GSTCD: variants seen among roughly 807,000 people sequenced by gnomAD.
GSTCD encodes the protein glutathione S-transferase C-terminal domain-containing protein.
In GSTCD, 44 loss-of-function variants were observed where a neutral mutation model predicts 68.3. That is an observed-to-expected ratio of 0.64 (90% CI 0.51 to 0.83). The LOEUF is 0.83. Ranked by LOEUF, GSTCD falls within the 40% of genes least tolerant of loss-of-function variation. The pLI is 0.00. For missense variants in GSTCD, 739 were observed against 735.9 expected, an observed-to-expected ratio of 1.00 and a Z score of -0.05; for synonymous variants, 273 against 255.2, an observed-to-expected ratio of 1.07 and a Z score of -0.67.
chr4:105,732,577 C>T (rs1733288557), intron 5 of GSTCD, among the ~76,000 whole-genome samples: 2 of 151,968 alleles, frequency 1.3e-5, no homozygotes, highest in South Asian at 2.1e-4. Context: ...TGATTCTTCT[C>T]TCTTGTCTTC....
At chr4:105,734,173 G>A (rs1390837003) in intron 5 of GSTCD, among the ~76,000 whole-genome samples, 1 of 152,108 alleles carries the variant, frequency 6.6e-6, no homozygotes, top group African/African-American at 2.4e-5. Context: ...TCTTGGAGTT[G>A]CTCTTCTCGA....
chr4:105,780,423 A>C (rs1735234117), intron 5 of GSTCD, among the ~76,000 whole-genome samples: 1 of 152,238 alleles, frequency 6.6e-6, no homozygotes, highest in South Asian at 2.1e-4. Context: ...TCTGGCTAGC[A>C]ACCAGATTGA....
At chr4:105,825,611 G>A (rs1488999646) in intron 7 of GSTCD, 61 bp from the exon 8 acceptor site, 10 of 957,354 alleles carry the variant, frequency 1.0e-5, no homozygotes, top group Non-Finnish European at 1.6e-5. Flanking sequence ...TAGTGATAAT[G>A]CTTTGCCTAA....
chr4:105,827,226 G>T (rs1250732675), intron 8 of GSTCD: 2 of 152,138 alleles, frequency 1.3e-5, no homozygotes, highest in Non-Finnish European at 2.9e-5. Context: ...ATGGTAGCAA[G>T]TAAATGTGGA....
At position 105,845,801 on chromosome 4, in the gene GSTCD, A is replaced by T. The variant is rs1724525232; in HGVS notation, c.*224A>T. ...AGGACTGCTGGTTTTTATAGTGAGAATCCCCTGAAGTCTCAGCTGCCAAAA... is the reference window on the plus strand; with the variant it reads ...AGGACTGCTGGTTTTTATAGTGAGATTCCCCTGAAGTCTCAGCTGCCAAAA... On this transcript the variant is annotated 3_prime_UTR_variant, in exon 12 of 12. Transcript: ENST00000515279. 2 of 512,176 alleles carry T rather than the reference A, an allele frequency of 3.9e-6. No homozygotes were observed. The highest frequency in any genetic ancestry group is 7.0e-6 in the Non-Finnish European group (2 of 284,418). 31.7% of individuals were successfully genotyped at this position (512,176 alleles called of 1,614,324 possible). A position where few individuals can be genotyped will look rare whatever the true frequency, so the allele number is the denominator to read the frequency against.
In GSTCD at chr4:105,846,678, T is replaced by C. The variant is rs1724559372; in HGVS notation, c.*1101T>C. ...AAAGAATTAGTTAAGCTTTTTTTTT[T>C]TTTTTTTTTTGAGACAGAGTTTCAC... is the stretch of plus-strand genomic sequence containing the variant. On this transcript the variant is annotated 3_prime_UTR_variant, in exon 12 of 12. Transcript: ENST00000515279. 6.6e-6 allele frequency: 1 copy of C among 151,142 alleles called. No individual in the cohort carries two copies. Among genetic ancestry groups the C allele is most frequent in the Non-Finnish European group, 1.5e-5 (1 of 67,704 alleles). The allele number at this position is 151,142 out of a possible 1,614,324, so 9.4% of individuals were successfully genotyped here.
chr4:105,807,173 T>G (rs868161426), intron 5 of GSTCD: 45 of 152,114 alleles, frequency 3.0e-4, no homozygotes, highest in African/African-American at 8.4e-4. Flanking sequence ...GTTTTTACTA[T>G]TTTGCCTTAC....
rs77172325 is a variant in GSTCD at position 105,809,298 on chromosome 4, G to A, written c.1241-13656G>A. 8.3e-3 allele frequency among the ~76,000 whole-genome samples: 1,262 copies of A among 152,052 alleles called. 10 individuals carry two copies. The highest frequency in any genetic ancestry group is 0.027 in the Middle Eastern group (8 of 294). On this transcript the variant is annotated intron_variant, in intron 5 of 11. Transcript: ENST00000515279. ...AAATGTGGTCTGATTGATGGCAGTC[G>A]GGTTCAATACTATCTGAGGTTTCAG...
At chr4:105,776,048 A>T (rs1043508504) in intron 5 of GSTCD, among the ~76,000 whole-genome samples, 2 of 152,200 alleles carry the variant, frequency 1.3e-5, no homozygotes, top group Non-Finnish European at 1.5e-5. Flanking sequence ...CTGTCCAGAG[A>T]GGAGGAATCT....
At chr4:105,785,400 A>G (rs375059094) in intron 5 of GSTCD, among the ~76,000 whole-genome samples, 12 of 152,154 alleles carry the variant, frequency 7.9e-5, no homozygotes, top group Non-Finnish European at 1.5e-4. Flanking sequence ...CTAGAAAGGC[A>G]AGGTTGATAT....
intron 5 of GSTCD, among the ~76,000 whole-genome samples, chr4:105,739,818 G>C (rs1733572695): frequency 6.6e-6 from 1 of 152,164 alleles, no homozygotes; most frequent in African/African-American, 2.4e-5. Flanking sequence ...GCAGTGTGCA[G>C]CTTCGGCTCA....
chr4:105,725,416 T>C (rs1040052771), intron 3 of GSTCD, among the ~76,000 whole-genome samples: 8 of 152,150 alleles, frequency 5.3e-5, no homozygotes, highest in Admixed American at 4.6e-4. Flanking sequence ...TACCAAACTG[T>C]CTTTCAAAGT....
chr4:105,825,248 G>C (rs775555063), intron 7 of GSTCD, among the ~76,000 whole-genome samples: 14 of 152,012 alleles, frequency 9.2e-5, no homozygotes, highest in Non-Finnish European at 1.9e-4. Flanking sequence ...TCCTGCCTCT[G>C]CCTCCCGAAT....
At chr4:105,723,040 C>T (rs1732920124) in intron 3 of GSTCD, among the ~76,000 whole-genome samples, 2 of 151,836 alleles carry the variant, frequency 1.3e-5, no homozygotes, top group African/African-American at 4.8e-5. Flanking sequence ...TTCTTGTAAA[C>T]ATGAATTATT....
At chr4:105,758,250 A>G (rs551817851) in intron 5 of GSTCD, among the ~76,000 whole-genome samples, 28 of 152,256 alleles carry the variant, frequency 1.8e-4, no homozygotes, top group African/African-American at 6.0e-4. Flanking sequence ...CATCCTACAC[A>G]TAGCTTTTTC....
At chr4:105,757,630 G>A (rs1341253442) in intron 5 of GSTCD, among the ~76,000 whole-genome samples, 1 of 152,092 alleles carries the variant, frequency 6.6e-6, no homozygotes, top group Non-Finnish European at 1.5e-5. Flanking sequence ...GTGTTATATA[G>A]GTTCTTGCTA....
chr4:105,842,161 G>A, intron 11 of GSTCD, 27 bp downstream of exon 11: 2 of 1,582,276 alleles, frequency 1.3e-6, no homozygotes, highest in South Asian at 2.2e-5. Flanking sequence ...AGCAGCTGTT[G>A]AGTGTATTAT....
chr4:105,745,156 GTC>G (rs1370135987), intron 5 of GSTCD, among the ~76,000 whole-genome samples: 1 of 152,086 alleles, frequency 6.6e-6, no homozygotes, highest in Non-Finnish European at 1.5e-5. Flanking sequence ...CATTTTGTCA[GTC>G]TCTCAATATA....
At chr4:105,719,706 T>C (rs1287736246) in intron 3 of GSTCD, 179 bp downstream of exon 3, 3 of 572,782 alleles carry the variant, frequency 5.2e-6, no homozygotes, top group Middle Eastern at 9.4e-4. Flanking sequence ...AAAGGAAAAA[T>C]GTAAGGAACA....
Sources: gnomAD v4.1 joint callset for allele counts (sites outside exome capture counted in the v4.1 genomes callset) on GRCh38, gnomAD v4.1.1 for gene constraint, MANE v1.5 for transcripts, NCBI Gene and HGNC (gene_info 2026-07-23, HGNC 2026-07-21) for gene names.